The following DPP6 variants were observed in gnomAD, a reference collection of about 807,000 sequenced individuals.
The protein encoded by DPP6 is A-type potassium channel modulatory protein DPP6.
DPP6 carries 69 observed loss-of-function variants against 122.6 expected under a neutral mutation model. The ratio of observed to expected loss-of-function variants is 0.56; its 90% CI spans 0.46 to 0.69. DPP6 has a LOEUF of 0.69. DPP6 is among the 30% of genes least tolerant of loss of function. The pLI, the probability that DPP6 is intolerant of heterozygous loss-of-function variation, is 0.00. For synonymous variants in DPP6, 418 were observed against 433.1 expected (o/e 0.97, Z 0.43); for missense variants, 928 against 1,116.9 (o/e 0.83, Z 2.41).
chr7:153,871,635 G>A, the DPP6 span, among the ~76,000 whole-genome samples: 15 of 152,212 alleles, frequency 9.9e-5, no homozygotes, highest in African/African-American at 2.6e-4. Context: ...TTCGGCTTAC[G>A]CACAGTGCGC....
At chr7:154,707,541 TCAG>T (rs1840904195) in intron 7 of DPP6, among the ~76,000 whole-genome samples, 1 of 152,170 alleles carries the variant, frequency 6.6e-6, no homozygotes, top group Non-Finnish European at 1.5e-5. Context: ...TGCCAACTGC[TCAG>T]CACCTCGCCA....
At chr7:154,856,171 T>C (rs1802814280) in intron 17 of DPP6, among the ~76,000 whole-genome samples, 1 of 152,260 alleles carries the variant, frequency 6.6e-6, no homozygotes. Flanking sequence ...CTTTGAAAAA[T>C]ATGATATAGC....
At chr7:153,823,789 G>A in the DPP6 span, among the ~76,000 whole-genome samples, 3 of 152,002 alleles carry the variant, frequency 2.0e-5, no homozygotes, top group African/African-American at 7.2e-5. Flanking sequence ...TGTAAATTAT[G>A]TTTGCAAAAA....
rs202177732 is a variant in DPP6 at position 154,496,040 on chromosome 7, G to A, written c.457+21003G>A. On this transcript the variant is annotated intron_variant, in intron 3 of 25. Coordinates refer to ENST00000377770, the MANE Select transcript of DPP6 (RefSeq NM_130797.4). Reference sequence around the variant, plus strand: ...AATACCTCATCCAGTCTACCTATTCGTAATAGACAATTTAGTAGGCAAAAT... The same window carrying A: ...AATACCTCATCCAGTCTACCTATTCATAATAGACAATTTAGTAGGCAAAAT... Among the ~76,000 whole-genome samples, 8 of 152,270 alleles carry A rather than the reference G, an allele frequency of 5.3e-5. No homozygotes were observed. The East Asian group carries it at 7.7e-4, about 15-fold the overall frequency.
chr7:154,777,084 T>A (rs1568897), intron 10 of DPP6, among the ~76,000 whole-genome samples: 113,782 of 152,240 alleles, frequency 0.75, 42,661 homozygotes, highest in African/African-American at 0.79. Context: ...TTAAGTCTGC[T>A]CTTTCAAATC....
chr7:154,355,139 G>A lies in DPP6; in HGVS notation c.244-91075G>A, dbSNP rs1284829183. 2.0e-5 allele frequency among the ~76,000 whole-genome samples: 3 copies of A among 152,252 alleles called. No individual in the cohort carries two copies. The East Asian group carries it at 5.8e-4, about 29-fold the overall frequency. ...TTTTTAGATGCTATTGGCCATTTGG[G>A]TAGCCTCCTTAGTCAAGTACCTATT... On this transcript the variant is annotated intron_variant, in intron 1 of 25. Transcript: ENST00000377770.
chr7:154,126,384 C>T (rs1807887497), intron 1 of DPP6, among the ~76,000 whole-genome samples: 1 of 152,114 alleles, frequency 6.6e-6, no homozygotes, highest in Non-Finnish European at 1.5e-5. Context: ...TATTAACATT[C>T]ACATTGAGAC....
At chr7:154,300,293 T>C (rs1191320032) in intron 1 of DPP6, among the ~76,000 whole-genome samples, 6 of 152,144 alleles carry the variant, frequency 3.9e-5, no homozygotes. Flanking sequence ...CTTTGCTAAG[T>C]GTGTTTATCG....
intron 1 of DPP6, among the ~76,000 whole-genome samples, chr7:154,207,219 C>T (rs1348842296): frequency 6.6e-6 from 1 of 152,194 alleles, no homozygotes; most frequent in African/African-American, 2.4e-5. Flanking sequence ...ATACAAGCAA[C>T]TCAAGTTAAC....
At chr7:154,182,350 A>G (rs1053987353) in intron 1 of DPP6, among the ~76,000 whole-genome samples, 7 of 152,146 alleles carry the variant, frequency 4.6e-5, no homozygotes, top group Admixed American at 2.6e-4. Flanking sequence ...GTCTTGCCAC[A>G]TGCCCATTGC....
intron 1 of DPP6, among the ~76,000 whole-genome samples, chr7:154,313,685 G>GTGTATATATATATATA: frequency 2.9e-4 from 6 of 20,452 alleles, no homozygotes; most frequent in Admixed American, 6.2e-4. Context: ...TTAAGATATG[G>GTGTATATATATATATA]TATATATATA....
At chr7:154,075,111 CTTCCTCCTG>C (rs1803464754) in intron 1 of DPP6, among the ~76,000 whole-genome samples, 1 of 152,124 alleles carries the variant, frequency 6.6e-6, no homozygotes, top group African/African-American at 2.4e-5. Context: ...GCAATACCAC[CTTCCTCCTG>C]CACAAATGGC....
chr7:154,292,141 G>A (rs935181944), intron 1 of DPP6, among the ~76,000 whole-genome samples: 17 of 151,994 alleles, frequency 1.1e-4, no homozygotes, highest in African/African-American at 3.6e-4. Flanking sequence ...TAGAGATATG[G>A]CACTCTTACG....
chr7:154,660,256 G>C (rs6952294), intron 6 of DPP6, among the ~76,000 whole-genome samples: 16,603 of 28,842 alleles, frequency 0.58, 4,131 homozygotes, highest in East Asian at 0.71. Context: ...GGTGAATCAC[G>C]ATGGCGTATT....
intron 1 of DPP6, among the ~76,000 whole-genome samples, chr7:154,332,594 C>T (rs1175795793): frequency 2.6e-5 from 4 of 152,162 alleles, no homozygotes; most frequent in African/African-American, 4.8e-5. Context: ...AAAGTGCCAG[C>T]GCATTTGCCA....
chr7:154,063,509 C>A lies in DPP6; in HGVS notation c.243+10446C>A, dbSNP rs183551705. ...CTCTTCCCCCCCTGGCTCTTAAGAC[C>A]CCCATCGCAGGAGGGGGAGGCACCC... On this transcript the variant is annotated intron_variant, in intron 1 of 25. Coordinates refer to ENST00000377770, the MANE Select transcript of DPP6 (RefSeq NM_130797.4). 3.8e-3 allele frequency among the ~76,000 whole-genome samples: 514 copies of A among 135,258 alleles called. 61 individuals are homozygous for A. The East Asian group carries it at 0.083, about 22-fold the overall frequency. 88.7% of individuals were successfully genotyped at this position (135,258 alleles called of 152,430 possible).
intron 8 of DPP6, among the ~76,000 whole-genome samples, chr7:154,738,619 G>A (rs1184798882): frequency 6.6e-6 from 1 of 152,194 alleles, no homozygotes; most frequent in Non-Finnish European, 1.5e-5. Flanking sequence ...AATGAAGAAG[G>A]AACAATATTC....
intron 1 of DPP6, among the ~76,000 whole-genome samples, chr7:153,975,674 A>G (rs1427698899): frequency 2.0e-5 from 3 of 152,154 alleles, no homozygotes; most frequent in Non-Finnish European, 4.4e-5. Context: ...TTGGCTTAAT[A>G]TCAAAATGGT....
intron 1 of DPP6, among the ~76,000 whole-genome samples, chr7:153,969,082 G>A (rs1585108504): frequency 6.6e-6 from 1 of 150,846 alleles, no homozygotes; most frequent in East Asian, 1.9e-4. Context: ...GTGCTTTTGT[G>A]TGGACATGTT....
Sources: gnomAD v4.1 joint callset for allele counts (sites outside exome capture counted in the v4.1 genomes callset) on GRCh38, gnomAD v4.1.1 for gene constraint, MANE v1.5 for transcripts, NCBI Gene and HGNC (gene_info 2026-07-23, HGNC 2026-07-21) for gene names.